PADI6: variants seen among roughly 807,000 people sequenced by gnomAD.
PADI6 encodes peptidyl arginine deiminase 6.
Under a neutral mutation model 78.2 loss-of-function variants are expected in PADI6, and 66 were observed. The ratio of observed to expected loss-of-function variants is 0.84; its 90% CI spans 0.69 to 1.04. PADI6 has a LOEUF of 1.04. Ranked by LOEUF, PADI6 falls within the 50% of genes least tolerant of loss-of-function variation. The probability of loss-of-function intolerance (pLI) is 0.00; values close to 1 mark genes in which losing one functional copy is unlikely to be tolerated. For missense variants in PADI6, 854 were observed against 866.1 expected, an observed-to-expected ratio of 0.99 and a Z score of 0.18; for synonymous variants, 397 against 346.9, an observed-to-expected ratio of 1.14 and a Z score of -1.60.
At chr1:17,398,922 G>C in intron 15 of PADI6, 75 bp downstream of exon 15, 1 of 1,465,310 alleles carries the variant, frequency 6.8e-7, no homozygotes, top group Non-Finnish European at 9.4e-7. Context: ...CACTGTGCTG[G>C]ACTGCAGATA....
intron 9 of PADI6, among the ~76,000 whole-genome samples, chr1:17,393,039 T>A (rs10888031): frequency 1.3e-5 from 2 of 151,634 alleles, no homozygotes; most frequent in African/African-American, 2.4e-5. Flanking sequence ...CCACCTACTC[T>A]GGTCACTGAG....
At chr1:17,395,153 G>T in intron 12 of PADI6, 46 bp downstream of exon 12, 2 of 1,555,562 alleles carry the variant, frequency 1.3e-6, no homozygotes. Context: ...CTTGCCTTCT[G>T]TTGGGGAATC....
intron 15 of PADI6, among the ~76,000 whole-genome samples, chr1:17,399,745 A>G (rs1198455589): frequency 6.6e-6 from 1 of 151,442 alleles, no homozygotes; most frequent in Non-Finnish European, 1.5e-5. Context: ...AAAGAAAAAA[A>G]AAATGCTGGG....
rs2075273308 is a variant in PADI6 at position 17,398,817 on chromosome 1, G to A, written c.1821G>A (p.Arg607=). Residue 607 remains arginine, a synonymous_variant, in exon 15 of 16, where the codon AGG becomes AGA. Coordinates refer to ENST00000619609, the MANE Select transcript of PADI6 (RefSeq NM_207421.4). The part of the protein sequence containing the change: ...TNIPSDQQPK[R]SFARPYFPDL... ...TCCCCTCTGACCAGCAGCCCAAGAG[G>A]TCCTTTGCGAGGCCATACTTCCCTG... The A allele has an allele frequency of 2.5e-6, 4 of 1,613,344 alleles. No homozygotes were observed. The highest frequency in any genetic ancestry group is 1.3e-5 in the African/African-American group (1 of 74,790).
chr1:17,394,859 C>T, intron 11 of PADI6, 92 bp from the exon 12 acceptor site: 1 of 1,427,832 alleles, frequency 7.0e-7, no homozygotes. Context: ...CGGTCAGAGG[C>T]CAGCTCCCTG....
chr1:17,374,981 C>T (rs901024651), intron 2 of PADI6, among the ~76,000 whole-genome samples: 16 of 152,132 alleles, frequency 1.1e-4, no homozygotes, highest in African/African-American at 3.9e-4. Context: ...TCTTAGTGAG[C>T]AGCTTAAGCC....
intron 15 of PADI6, among the ~76,000 whole-genome samples, chr1:17,399,193 A>G (rs369808553): frequency 1.1e-4 from 17 of 152,300 alleles, no homozygotes; most frequent in South Asian, 1.0e-3. Context: ...GTTGCCGCGC[A>G]TCTGCCAGCA....
intron 1 of PADI6, 118 bp from the exon 2 acceptor site, chr1:17,372,938 T>G (rs962873206): frequency 9.3e-7 from 1 of 1,076,130 alleles, no homozygotes; most frequent in Non-Finnish European, 1.3e-6. Flanking sequence ...CAGACCACTC[T>G]GCCTCAACAC....
At chr1:17,380,220 T>G (rs941213230) in intron 4 of PADI6, among the ~76,000 whole-genome samples, 1 of 152,184 alleles carries the variant, frequency 6.6e-6, no homozygotes, top group Non-Finnish European at 1.5e-5. Flanking sequence ...TTGTTTTTGA[T>G]GTTGTTTTTG....
At chr1:17,387,624 G>A (rs113168042) in intron 6 of PADI6, among the ~76,000 whole-genome samples, 1,852 of 152,148 alleles carry the variant, frequency 0.012, 43 homozygotes, top group African/African-American at 0.041. Context: ...TGTGGTGGTA[G>A]GTGCCTGCAG....
chr1:17,395,421 C>T, intron 12 of PADI6, 119 bp from the exon 13 acceptor site: 1 of 1,307,642 alleles, frequency 7.6e-7, no homozygotes, highest in East Asian at 2.6e-5. Flanking sequence ...CCAGGCTGGT[C>T]TCGAACTTCT....
chr1:17,394,880 G>A lies in PADI6; in HGVS notation c.1338-71G>A, dbSNP rs111989102. 435 of 1,481,182 alleles carry A rather than the reference G, an allele frequency of 2.9e-4. 1 individual carries two copies. In the African/African-American group the frequency reaches 5.4e-3, roughly 18 times the overall value. The allele number at this position is 1,481,182 out of a possible 1,614,324, so 91.8% of individuals were successfully genotyped here. A position where few individuals can be genotyped will look rare whatever the true frequency, so the allele number is the denominator to read the frequency against. ...GAGGCCAGCTCCCTGGAGGCAGCAT[G>A]ACACCAAGTGGCGGGTGACCAGCCC... On this transcript the variant is annotated intron_variant, in intron 11 of 15. Coordinates refer to ENST00000619609, the MANE Select transcript of PADI6 (RefSeq NM_207421.4).
intron 15 of PADI6, among the ~76,000 whole-genome samples, chr1:17,400,311 C>T (rs1026680472): frequency 2.6e-5 from 4 of 151,758 alleles, no homozygotes; most frequent in Admixed American, 1.3e-4. Flanking sequence ...GTCAGGACTG[C>T]GAGACCAGCC....
chr1:17,383,022 A>G, intron 6 of PADI6, among the ~76,000 whole-genome samples: 1 of 152,178 alleles, frequency 6.6e-6, no homozygotes, highest in East Asian at 1.9e-4. Flanking sequence ...GATGCAAACA[A>G]TCCTCCTGCC....
In PADI6 at chr1:17,393,448, C is replaced by T. The variant is rs570236690; in HGVS notation, c.1075-527C>T. ...ACGGTGGCTTCCTGAGTGGCACCAG[C>T]GCAGAGCTGACTCAGAATGTAAGCC... is the stretch of plus-strand genomic sequence containing the variant. On this transcript the variant is annotated intron_variant, in intron 9 of 15. Coordinates refer to ENST00000619609, the MANE Select transcript of PADI6 (RefSeq NM_207421.4). Among the ~76,000 whole-genome samples the T allele has an allele frequency of 2.2e-4, 33 of 152,038 alleles. No individual in the cohort carries two copies. In the South Asian group the frequency reaches 6.5e-3, roughly 30 times the overall value.
chr1:17,380,770 G>A lies in PADI6; in HGVS notation c.436-277G>A, dbSNP rs1236611577. ...ATTAGCCGCTGCTGCCAGGTGGCAC[G>A]TCTCTTTTCCAATTTGCCTCGGTCC... On this transcript the variant is annotated intron_variant, in intron 4 of 15. Coordinates refer to ENST00000619609, the MANE Select transcript of PADI6 (RefSeq NM_207421.4). Among the ~76,000 whole-genome samples the A allele has an allele frequency of 2.6e-5, 4 of 152,142 alleles. No individual in the cohort carries two copies. The East Asian group carries it at 5.8e-4, about 22-fold the overall frequency.
intron 3 of PADI6, among the ~76,000 whole-genome samples, chr1:17,379,262 C>T (rs1354276527): frequency 6.7e-6 from 1 of 149,142 alleles, no homozygotes; most frequent in Admixed American, 6.6e-5. Flanking sequence ...TACAGGCGCC[C>T]GCCACCTCGC....
At chr1:17,387,885 G>A (rs925315885) in intron 6 of PADI6, among the ~76,000 whole-genome samples, 5 of 152,200 alleles carry the variant, frequency 3.3e-5, no homozygotes, top group Admixed American at 3.3e-4. Flanking sequence ...ATAATCATAA[G>A]AACACTTGGT....
At chr1:17,392,305 G>A in intron 9 of PADI6, 80 bp downstream of exon 9, 1 of 1,084,088 alleles carries the variant, frequency 9.2e-7, no homozygotes, top group Non-Finnish European at 1.4e-6. Context: ...AACTTCACAG[G>A]CTTCTGGTTA....
Sources: allele counts gnomAD v4.1 joint callset (sites outside exome capture counted in the v4.1 genomes callset), GRCh38; gene constraint gnomAD v4.1.1; transcripts MANE v1.5; gene names NCBI Gene and HGNC (gene_info 2026-07-23, HGNC 2026-07-21).